Variants in SORCS3 observed in about 807,000 individuals in gnomAD.
SORCS3 encodes VPS10 domain-containing receptor SorCS3.
In SORCS3, 57 loss-of-function variants were observed where a neutral mutation model predicts 146.3. That is an observed-to-expected ratio of 0.39 (90% confidence interval 0.31 to 0.49). SORCS3 has a LOEUF of 0.49. Among genes scored for constraint, SORCS3 ranks in the 20% least tolerant of loss-of-function variants. The pLI, the probability that SORCS3 is intolerant of heterozygous loss-of-function variation, is 0.92. For synonymous variants in SORCS3, 653 were observed against 618.5 expected (o/e 1.06, Z -0.83); for missense variants, 1,341 against 1,575.5 (o/e 0.85, Z 2.52).
chr10:105,152,297 G>A (rs2056173344), intron 9 of SORCS3, among the ~76,000 whole-genome samples: 1 of 152,038 alleles, frequency 6.6e-6, no homozygotes, highest in African/African-American at 2.4e-5. Context: ...CCACATTTCT[G>A]CTTCCCACAT....
At chr10:104,943,378 G>C (rs550956691) in intron 3 of SORCS3, among the ~76,000 whole-genome samples, 1 of 152,038 alleles carries the variant, frequency 6.6e-6, no homozygotes, top group Non-Finnish European at 1.5e-5. Context: ...CACCTGCCTC[G>C]GTCTCCCAAA....
chr10:104,696,901 A>C (rs2016222996), intron 1 of SORCS3, among the ~76,000 whole-genome samples: 1 of 149,908 alleles, frequency 6.7e-6, no homozygotes, highest in Non-Finnish European at 1.5e-5. Flanking sequence ...AATACTGCAT[A>C]ATCTCACTTA....
At chr10:104,768,410 CTG>C (rs1436638260) in intron 1 of SORCS3, among the ~76,000 whole-genome samples, 1 of 152,138 alleles carries the variant, frequency 6.6e-6, no homozygotes, top group African/African-American at 2.4e-5. Context: ...ACTGAAAAAA[CTG>C]TGTCCTACTT....
chr10:105,010,381 C>T (rs1259911678), intron 4 of SORCS3, among the ~76,000 whole-genome samples: 1 of 152,164 alleles, frequency 6.6e-6, no homozygotes, highest in East Asian at 1.9e-4. Flanking sequence ...GACAAAAAGA[C>T]AAAGTCAAAC....
At chr10:105,127,138 C>T (rs7907794) in intron 7 of SORCS3, among the ~76,000 whole-genome samples, 3,744 of 152,116 alleles carry the variant, frequency 0.025, 155 homozygotes, top group African/African-American at 0.085. Context: ...CTAAATTTGG[C>T]CAGACCCTTA....
At chr10:104,972,705 A>C (rs1427027156) in intron 3 of SORCS3, among the ~76,000 whole-genome samples, 1 of 152,068 alleles carries the variant, frequency 6.6e-6, no homozygotes, top group African/African-American at 2.4e-5. Flanking sequence ...GACCACAAAA[A>C]ATGTTCCCGG....
intron 1 of SORCS3, among the ~76,000 whole-genome samples, chr10:104,653,709 C>T (rs182537838): frequency 7.1e-4 from 108 of 152,120 alleles, no homozygotes; most frequent in African/African-American, 2.5e-3. Context: ...TTATGCGATA[C>T]GTGAGATGTT....
At position 105,125,267 on chromosome 10, in the gene SORCS3, C is replaced by G. The variant is rs141903329; in HGVS notation, c.1213-14130C>G. 2.9e-3 allele frequency among the ~76,000 whole-genome samples: 437 copies of G among 152,246 alleles called. 1 individual carries two copies. Among genetic ancestry groups the G allele is most frequent in the African/African-American group, 0.01 (416 of 41,542 alleles). ...CTAATTTTCTTTATTATTGAATAACCTGTAATTCTTAGAGATTCAATTACA... is the reference window on the plus strand; with the variant it reads ...CTAATTTTCTTTATTATTGAATAACGTGTAATTCTTAGAGATTCAATTACA... On this transcript the variant is annotated intron_variant, in intron 7 of 26. Transcript: ENST00000369701.
intron 4 of SORCS3, among the ~76,000 whole-genome samples, chr10:105,010,729 T>TC (rs2133680839): frequency 6.6e-6 from 1 of 152,012 alleles, no homozygotes; most frequent in Admixed American, 6.5e-5. Flanking sequence ...TCTTTTTTTT[T>TC]TTTCTCTCTT....
intron 1 of SORCS3, among the ~76,000 whole-genome samples, chr10:104,751,923 GC>G (rs1160679264): frequency 0.044 from 967 of 21,748 alleles, 29 homozygotes; most frequent in Middle Eastern, 0.18. Flanking sequence ...CTAATAGGAA[GC>G]ATATATATAT....
chr10:104,784,357 C>T (rs1040341692), intron 1 of SORCS3, among the ~76,000 whole-genome samples: 2 of 152,134 alleles, frequency 1.3e-5, no homozygotes, highest in African/African-American at 4.8e-5. Context: ...AGGACAGTCA[C>T]CTCCAACCAA....
Position 104,761,671 on chromosome 10 carries a change from C to T in SORCS3, c.628-81121C>T, listed in dbSNP as rs142167718. Among the ~76,000 whole-genome samples the T allele has an allele frequency of 2.2e-3, 330 of 152,230 alleles. 1 individual carries two copies. Among genetic ancestry groups the T allele is most frequent in the African/African-American group, 7.5e-3 (312 of 41,542 alleles). ...GAATTAGAGGAGGATTTTGAAGATG[C>T]AAATTTCCCCACTAAAGGCTTCTGG... On this transcript the variant is annotated intron_variant, in intron 1 of 26. Transcript: ENST00000369701.
intron 3 of SORCS3, among the ~76,000 whole-genome samples, chr10:104,932,367 G>A (rs1417118430): frequency 1.3e-5 from 2 of 152,168 alleles, no homozygotes; most frequent in African/African-American, 4.8e-5. Flanking sequence ...TGAAGTCAGG[G>A]CTGGCACATG....
chr10:105,029,731 G>A (rs1191250969), intron 4 of SORCS3, among the ~76,000 whole-genome samples: 1 of 152,190 alleles, frequency 6.6e-6, no homozygotes, highest in Non-Finnish European at 1.5e-5. Context: ...CCTTCTTTAA[G>A]AAGCTTCAAA....
chr10:105,012,460 T>G (rs942618831), intron 4 of SORCS3, among the ~76,000 whole-genome samples: 12 of 152,136 alleles, frequency 7.9e-5, no homozygotes, highest in African/African-American at 2.9e-4. Context: ...TTCAGTATGG[T>G]TGATAATGTT....
intron 4 of SORCS3, among the ~76,000 whole-genome samples, chr10:105,011,746 T>C (rs536036625): frequency 3.3e-5 from 5 of 152,264 alleles, no homozygotes; most frequent in Admixed American, 2.0e-4. Flanking sequence ...AACCGTCCTT[T>C]CACGTTTCCA....
intron 1 of SORCS3, among the ~76,000 whole-genome samples, chr10:104,705,867 T>A (rs2016330475): frequency 6.6e-6 from 1 of 152,150 alleles, no homozygotes; most frequent in East Asian, 1.9e-4. Flanking sequence ...GTCGAGAACT[T>A]CTGGGGATAT....
At chr10:104,730,358 G>A (rs193184240) in intron 1 of SORCS3, among the ~76,000 whole-genome samples, 3 of 152,264 alleles carry the variant, frequency 2.0e-5, no homozygotes, top group East Asian at 1.9e-4. Context: ...CTGCCTCCCC[G>A]TCTGTACTAC....
chr10:104,766,045 T>C (rs2017176111), intron 1 of SORCS3, among the ~76,000 whole-genome samples: 1 of 152,244 alleles, frequency 6.6e-6, no homozygotes, highest in African/African-American at 2.4e-5. Flanking sequence ...GGATTCCTTA[T>C]CTTCTGGACT....
Sources: allele counts gnomAD v4.1 joint callset (sites outside exome capture counted in the v4.1 genomes callset), GRCh38; gene constraint gnomAD v4.1.1; transcripts MANE v1.5; gene names NCBI Gene and HGNC (gene_info 2026-07-23, HGNC 2026-07-21).